Variants in RPTOR observed in about 807,000 individuals in gnomAD.
RPTOR encodes the protein regulatory associated protein of MTOR complex 1.
In RPTOR, 21 loss-of-function variants were observed where a neutral mutation model predicts 169.9. The observed-to-expected ratio is 0.12, with a 90% CI of 0.09 to 0.18. The LOEUF is 0.18. RPTOR is among the 10% of genes least tolerant of loss of function. RPTOR has a pLI of 1.00. For missense variants in RPTOR, 1,133 were observed against 1,855.9 expected, an observed-to-expected ratio of 0.61 and a Z score of 7.16; for synonymous variants, 732 against 753.2, an observed-to-expected ratio of 0.97 and a Z score of 0.46.
rs946311153 is a variant in RPTOR, at chr17:80,718,812, C to T, written c.507+10813C>T. ...TTCCAGGCTAAGGCATAGAGCACCTCGCAGACTCTTAGGGATGTGGGCTTA... is the reference window on the plus strand; with the variant it reads ...TTCCAGGCTAAGGCATAGAGCACCTTGCAGACTCTTAGGGATGTGGGCTTA... On this transcript the variant is annotated intron_variant, in intron 4 of 33. Coordinates refer to ENST00000306801, the MANE Select transcript of RPTOR (RefSeq NM_020761.3). Among the ~76,000 whole-genome samples the T allele has an allele frequency of 2.0e-5, 3 of 152,316 alleles. No homozygotes were observed. In the South Asian group the frequency reaches 6.2e-4, roughly 32 times the overall value.
intron 5 of RPTOR, among the ~76,000 whole-genome samples, chr17:80,749,775 C>T (rs2066613682): frequency 6.6e-6 from 1 of 152,082 alleles, no homozygotes; most frequent in Non-Finnish European, 1.5e-5. Context: ...TGCAGTGGTG[C>T]CACCACAGCT....
In RPTOR at chr17:80,554,772, C is replaced by CA. The variant is rs766303269; in HGVS notation, c.162+8983dup. Among the ~76,000 whole-genome samples the CA allele has an allele frequency of 4.1e-3, 403 of 97,328 alleles. 1 individual carries two copies. Among genetic ancestry groups the CA allele is most frequent in the Non-Finnish European group, 5.8e-3 (243 of 42,046 alleles). The allele number at this position is 97,328 out of a possible 152,430, so 63.9% of individuals were successfully genotyped here. On this transcript the variant is annotated intron_variant, in intron 1 of 33. Transcript: ENST00000306801. ...ACAAAACAAAACAAAACAAAACAAA[C>CA]AACAACAACAACAAAAAAAATGAGA...
At chr17:80,869,700 G>T (rs180929869) in intron 13 of RPTOR, among the ~76,000 whole-genome samples, 1 of 152,286 alleles carries the variant, frequency 6.6e-6, no homozygotes. Context: ...GCTGTCACGT[G>T]TCTGGAGTGT....
intron 25 of RPTOR, chr17:80,942,071 C>T (rs1411112405): frequency 2.6e-5 from 4 of 152,168 alleles, no homozygotes; most frequent in African/African-American, 4.8e-5. Context: ...CGTGCTGCCC[C>T]GGCGGCCGCC....
chr17:80,949,593 C>T (rs2069147960), intron 28 of RPTOR, 46 bp downstream of exon 28: 1 of 1,504,274 alleles, frequency 6.6e-7, no homozygotes, highest in South Asian at 1.1e-5. Context: ...GTTCCCGGGG[C>T]TGCGGACGCA....
At chr17:80,604,898 A>G (rs957735251) in intron 1 of RPTOR, among the ~76,000 whole-genome samples, 5 of 151,470 alleles carry the variant, frequency 3.3e-5, no homozygotes, top group Admixed American at 6.6e-5. Context: ...CAAGATGAGA[A>G]CACAGAGCCA....
At chr17:80,675,193 G>A (rs1160851708) in intron 3 of RPTOR, among the ~76,000 whole-genome samples, 1 of 152,034 alleles carries the variant, frequency 6.6e-6, no homozygotes, top group Non-Finnish European at 1.5e-5. Flanking sequence ...AAGTCTTTTT[G>A]TATCTGATTC....
chr17:80,857,762 G>A (rs1337373191), intron 12 of RPTOR, 28 bp from the exon 13 acceptor site: 3 of 1,554,482 alleles, frequency 1.9e-6, no homozygotes, highest in Non-Finnish European at 2.6e-6. Flanking sequence ...TGCGGCACAG[G>A]TGCGCTGACG....
Position 80,634,223 on chromosome 17 carries a change from T to TGCATACC in RPTOR, c.265+8431_265+8432insCATACCG, listed in dbSNP as rs1356751179. On this transcript the variant is annotated intron_variant, in intron 2 of 33. Coordinates refer to ENST00000306801, the MANE Select transcript of RPTOR (RefSeq NM_020761.3). Reference sequence around the variant, plus strand: ...ATACTGTGTGTGCATACTGTGTGCGTGTGTGTACTGTGTGTGCGTGCATAC... The same window carrying TGCATACC: ...ATACTGTGTGTGCATACTGTGTGCGTGCATACCGTGTGTACTGTGTGTGCGTGCATAC... 4.2e-4 allele frequency among the ~76,000 whole-genome samples: 62 copies of TGCATACC among 148,050 alleles called. 1 individual carries two copies. The highest frequency in any genetic ancestry group is 1.5e-3 in the African/African-American group (57 of 39,184).
chr17:80,648,847 G>A (rs762388462), intron 3 of RPTOR, among the ~76,000 whole-genome samples: 39 of 152,072 alleles, frequency 2.6e-4, no homozygotes, highest in Non-Finnish European at 5.0e-4. Context: ...CGAATCATAG[G>A]GGCGGGTCTT....
At chr17:80,757,057 A>G (rs2066687740) in intron 6 of RPTOR, among the ~76,000 whole-genome samples, 1 of 152,204 alleles carries the variant, frequency 6.6e-6, no homozygotes. Flanking sequence ...GGAAGACTAC[A>G]GTGGGGGCTC....
At chr17:80,841,856 C>T (rs1439647573) in intron 10 of RPTOR, among the ~76,000 whole-genome samples, 7 of 126,988 alleles carry the variant, frequency 5.5e-5, no homozygotes, top group Non-Finnish European at 9.8e-5. Flanking sequence ...ACTCACCGCA[C>T]GGCAGCTGAC....
chr17:80,931,172 A>G (rs2144013305), intron 24 of RPTOR, among the ~76,000 whole-genome samples: 1 of 152,306 alleles, frequency 6.6e-6, no homozygotes, highest in South Asian at 2.1e-4. Flanking sequence ...GCCTGCAGAC[A>G]GCTGGAAAGA....
rs145993967 is a variant in RPTOR at position 80,750,247 on chromosome 17, T to C, written c.655-3763T>C. Among the ~76,000 whole-genome samples the C allele has an allele frequency of 2.2e-3, 335 of 152,376 alleles. 3 individuals carry two copies. Among genetic ancestry groups the C allele is most frequent in the African/African-American group, 7.5e-3 (312 of 41,584 alleles). Reference sequence around the variant, plus strand: ...CCTTTTGAAAAGGAAAATAGGAATATTGAACTTAGTTTTTGCGTAAAGGGC... The same window carrying C: ...CCTTTTGAAAAGGAAAATAGGAATACTGAACTTAGTTTTTGCGTAAAGGGC... On this transcript the variant is annotated intron_variant, in intron 5 of 33. Coordinates refer to ENST00000306801, the MANE Select transcript of RPTOR (RefSeq NM_020761.3).
chr17:80,791,406 G>T, intron 6 of RPTOR, 44 bp from the exon 7 acceptor site: 3 of 1,591,286 alleles, frequency 1.9e-6, no homozygotes, highest in South Asian at 1.1e-5. Context: ...TTTCCTGGGT[G>T]ACTGTTCCAT....
At chr17:80,747,631 C>T (rs982648763) in intron 5 of RPTOR, among the ~76,000 whole-genome samples, 2 of 152,382 alleles carry the variant, frequency 1.3e-5, no homozygotes, top group South Asian at 2.1e-4. Flanking sequence ...TTGGGCCAAG[C>T]GCCCGTGCAT....
At chr17:80,837,840 G>A (rs915982269) in intron 9 of RPTOR, 82 bp from the exon 10 acceptor site, 25 of 1,329,076 alleles carry the variant, frequency 1.9e-5, no homozygotes, top group Middle Eastern at 3.6e-4. Context: ...AGGCTCAGCC[G>A]GCTCCTCCTG....
At chr17:80,739,916 C>T (rs1419637811) in intron 5 of RPTOR, among the ~76,000 whole-genome samples, 1 of 151,812 alleles carries the variant, frequency 6.6e-6, no homozygotes, top group Non-Finnish European at 1.5e-5. Flanking sequence ...AAACTGAAAG[C>T]AGTCAGAAGA....
At chr17:80,546,465 G>C (rs754783922) in intron 1 of RPTOR, among the ~76,000 whole-genome samples, 8 of 151,860 alleles carry the variant, frequency 5.3e-5, no homozygotes, top group Non-Finnish European at 1.2e-4. Context: ...TGTGGAGAGT[G>C]ACTCACAAGC....
Sources: allele counts gnomAD v4.1 joint callset (sites outside exome capture counted in the v4.1 genomes callset), GRCh38; gene constraint gnomAD v4.1.1; transcripts MANE v1.5; gene names NCBI Gene and HGNC (gene_info 2026-07-23, HGNC 2026-07-21).